Variants in SGCZ observed in about 807,000 individuals in gnomAD.
SGCZ encodes the protein zeta-sarcoglycan.
SGCZ carries 40 observed loss-of-function variants against 41.3 expected under a neutral mutation model. The observed-to-expected ratio is 0.97, with a 90% CI of 0.75 to 1.26. The LOEUF (loss-of-function observed/expected upper bound fraction) is 1.26. Ranked by LOEUF, SGCZ falls within the 50% of genes most tolerant of loss-of-function variation. The pLI is 0.00. For missense variants in SGCZ, 552 were observed against 369.8 expected, an observed-to-expected ratio of 1.49 and a Z score of -4.04; for synonymous variants, 206 against 137.5, an observed-to-expected ratio of 1.50 and a Z score of -3.49.
chr8:14,271,056 C>T (rs921009115), intron 3 of SGCZ, among the ~76,000 whole-genome samples: 4 of 151,944 alleles, frequency 2.6e-5, no homozygotes, highest in South Asian at 2.1e-4. Flanking sequence ...GTGAGGTGGG[C>T]GGAGCGGGGA....
chr8:14,555,533 A>C (rs886357231), intron 1 of SGCZ, among the ~76,000 whole-genome samples: 1 of 152,006 alleles, frequency 6.6e-6, no homozygotes, highest in African/African-American at 2.4e-5. Flanking sequence ...CCAGAAGCAA[A>C]AGCCTCTATG....
At chr8:14,387,548 G>T (rs1358809844) in intron 2 of SGCZ, among the ~76,000 whole-genome samples, 2 of 152,030 alleles carry the variant, frequency 1.3e-5, no homozygotes, top group African/African-American at 2.4e-5. Context: ...TGTTGCAAGA[G>T]TTATTATTCT....
At chr8:14,609,590 C>G (rs11203636) in intron 1 of SGCZ, among the ~76,000 whole-genome samples, 94,379 of 151,848 alleles carry the variant, frequency 0.62, 29,427 homozygotes, top group East Asian at 0.72. Flanking sequence ...GATAAAAATG[C>G]TGTCATGATA....
chr8:14,785,914 T>G (rs1800752351), intron 1 of SGCZ, among the ~76,000 whole-genome samples: 1 of 152,058 alleles, frequency 6.6e-6, no homozygotes, highest in African/African-American at 2.4e-5. Flanking sequence ...TTTTGGTTTT[T>G]TTTTTCTACT....
At chr8:14,676,315 G>A (rs1007469991) in intron 1 of SGCZ, among the ~76,000 whole-genome samples, 1 of 139,954 alleles carries the variant, frequency 7.1e-6, no homozygotes, top group South Asian at 2.3e-4. Flanking sequence ...GAACAGCATA[G>A]AGAGATCCCA....
intron 1 of SGCZ, among the ~76,000 whole-genome samples, chr8:14,759,708 T>G (rs1799800615): frequency 6.6e-6 from 1 of 152,172 alleles, no homozygotes; most frequent in Non-Finnish European, 1.5e-5. Flanking sequence ...CCTTATGAAT[T>G]GGACCAGAGT....
intron 1 of SGCZ, among the ~76,000 whole-genome samples, chr8:14,823,432 C>T (rs1026567527): frequency 6.6e-6 from 1 of 152,078 alleles, no homozygotes; most frequent in Non-Finnish European, 1.5e-5. Context: ...CCTTAACACA[C>T]ATTTCTCAAA....
chr8:14,140,365 A>G (rs1237752372), intron 5 of SGCZ, among the ~76,000 whole-genome samples: 1 of 152,320 alleles, frequency 6.6e-6, no homozygotes, highest in East Asian at 1.9e-4. Context: ...AATTAGGAAA[A>G]GAGGAAGTCA....
At chr8:14,131,237 G>A (rs1427249030) in intron 5 of SGCZ, among the ~76,000 whole-genome samples, 4 of 152,100 alleles carry the variant, frequency 2.6e-5, no homozygotes. Context: ...AGAAATCCAG[G>A]GTGGCACCTT....
intron 1 of SGCZ, among the ~76,000 whole-genome samples, chr8:14,771,191 T>C (rs1296448720): frequency 1.3e-5 from 2 of 152,086 alleles, no homozygotes; most frequent in Non-Finnish European, 2.9e-5. Flanking sequence ...GTCAGTGCAA[T>C]GGAAATATTG....
chr8:15,155,339 C>G (rs1585620251), intron 1 of SGCZ, among the ~76,000 whole-genome samples: 1 of 152,234 alleles, frequency 6.6e-6, no homozygotes, highest in East Asian at 1.9e-4. Context: ...AATATGCTAT[C>G]ATAATTATCC....
At chr8:14,949,253 A>G (rs972717808) in intron 1 of SGCZ, among the ~76,000 whole-genome samples, 1 of 152,152 alleles carries the variant, frequency 6.6e-6, no homozygotes, top group African/African-American at 2.4e-5. Flanking sequence ...GCTATAAAAT[A>G]TTTTCGCCTT....
intron 1 of SGCZ, among the ~76,000 whole-genome samples, chr8:14,982,065 G>T (rs954325722): frequency 6.6e-6 from 1 of 151,588 alleles, no homozygotes; most frequent in African/African-American, 2.4e-5. Flanking sequence ...TGGGAGGATC[G>T]CTTGAACCCA....
chr8:14,586,504 C>T (rs377318802), intron 1 of SGCZ, among the ~76,000 whole-genome samples: 21 of 152,272 alleles, frequency 1.4e-4, no homozygotes, highest in African/African-American at 4.1e-4. Context: ...TTAGCCACCA[C>T]GCCCAGCGCA....
intron 1 of SGCZ, among the ~76,000 whole-genome samples, chr8:15,065,530 C>T (rs1307577987): frequency 6.6e-6 from 1 of 151,534 alleles, no homozygotes; most frequent in African/African-American, 2.4e-5. Flanking sequence ...CTGCAATCTC[C>T]ACCTCCTAGG....
At chr8:14,760,000 G>C (rs757074472) in intron 1 of SGCZ, among the ~76,000 whole-genome samples, 4 of 152,154 alleles carry the variant, frequency 2.6e-5, no homozygotes, top group Non-Finnish European at 5.9e-5. Flanking sequence ...CTATTGAGTG[G>C]TGTTTTAAAA....
At chr8:14,175,769 G>T (rs756807325) in intron 4 of SGCZ, among the ~76,000 whole-genome samples, 3 of 152,088 alleles carry the variant, frequency 2.0e-5, no homozygotes, top group East Asian at 1.9e-4. Flanking sequence ...AAACACTCCA[G>T]GTTAAAAGTC....
At chr8:14,945,828 C>G (rs1459529114) in intron 1 of SGCZ, among the ~76,000 whole-genome samples, 2 of 150,692 alleles carry the variant, frequency 1.3e-5, no homozygotes, top group East Asian at 4.0e-4. Flanking sequence ...CCAGTTACCC[C>G]CTCAGGTTCT....
At chr8:14,543,260 C>G (rs951415349) in intron 2 of SGCZ, among the ~76,000 whole-genome samples, 1 of 151,998 alleles carries the variant, frequency 6.6e-6, no homozygotes, top group African/African-American at 2.4e-5. Flanking sequence ...TTCTTTCAGA[C>G]TTTCTCTATT....
Sources: gnomAD v4.1 joint callset for allele counts (sites outside exome capture counted in the v4.1 genomes callset) on GRCh38, gnomAD v4.1.1 for gene constraint, MANE v1.5 for transcripts, NCBI Gene and HGNC (gene_info 2026-07-23, HGNC 2026-07-21) for gene names.